The following AHCYL1 variants were observed in gnomAD, a reference collection of about 807,000 sequenced individuals.
AHCYL1 encodes the protein S-adenosylhomocysteine hydrolase-like protein 1.
In AHCYL1, 20 loss-of-function variants were observed where a neutral mutation model predicts 79.3. That is an observed-to-expected ratio of 0.25 (90% CI 0.18 to 0.37). The LOEUF (loss-of-function observed/expected upper bound fraction) is 0.37, where lower values mean the gene tolerates loss of function less well. Among genes scored for constraint, AHCYL1 ranks in the 10% least tolerant of loss-of-function variants. AHCYL1 has a pLI of 1.00. For missense variants in AHCYL1, 330 were observed against 673.6 expected (o/e 0.49, Z 5.65); for synonymous variants, 223 against 242.2 (o/e 0.92, Z 0.74).
chr1:110,014,995 T>C, intron 6 of AHCYL1, 138 bp downstream of exon 6: 2 of 782,184 alleles, frequency 2.6e-6, no homozygotes, highest in Non-Finnish European at 4.2e-6. Context: ...GCTTGATACC[T>C]ATTCAGAATG....
In AHCYL1 at chr1:110,001,518, A is replaced by C. The variant is rs183220824; in HGVS notation, c.121-7516A>C. On this transcript the variant is annotated intron_variant, in intron 1 of 16. Transcript: ENST00000369799. ...CTTTTTATTTCCCTGAGCCTATACTAGTTGGTTCTTATACCCTATGAACCA... is the reference window on the plus strand; with the variant it reads ...CTTTTTATTTCCCTGAGCCTATACTCGTTGGTTCTTATACCCTATGAACCA... Among the ~76,000 whole-genome samples the C allele has an allele frequency of 9.2e-5, 14 of 152,282 alleles. No homozygotes were observed. The South Asian group carries it at 1.4e-3, about 16-fold the overall frequency.
At chr1:109,992,222 C>T (rs1458475528) in intron 1 of AHCYL1, among the ~76,000 whole-genome samples, 3 of 152,038 alleles carry the variant, frequency 2.0e-5, no homozygotes, top group Non-Finnish European at 2.9e-5. Flanking sequence ...TCATGGCCAA[C>T]ATGGTGAAAC....
chr1:110,001,817 A>T (rs1650328877), intron 1 of AHCYL1, among the ~76,000 whole-genome samples: 1 of 152,242 alleles, frequency 6.6e-6, no homozygotes, highest in Non-Finnish European at 1.5e-5. Flanking sequence ...GAAAGCTTTA[A>T]GTTCTTACAA....
intron 1 of AHCYL1, among the ~76,000 whole-genome samples, chr1:109,991,265 G>C (rs1178116216): frequency 6.6e-6 from 1 of 152,186 alleles, no homozygotes; most frequent in Non-Finnish European, 1.5e-5. Flanking sequence ...GTAAAAGGTA[G>C]TATTTGGAAA....
In AHCYL1 at chr1:109,984,896, G is replaced by C; in HGVS notation, c.-157G>C. On this transcript the variant is annotated 5_prime_UTR_variant, in exon 1 of 17. Coordinates refer to ENST00000369799, the MANE Select transcript of AHCYL1 (RefSeq NM_006621.7). ...TGGGCTGCCGAACAGACAAGGCGTG[G>C]GCCACAGCACCTCAGAAGCCGACGC... The C allele has an allele frequency of 8.3e-7, 1 of 1,201,282 alleles. No homozygotes were observed. Among genetic ancestry groups the C allele is most frequent in the South Asian group, 2.3e-5 (1 of 43,248 alleles). 74.4% of individuals were successfully genotyped at this position (1,201,282 alleles called of 1,614,324 possible). A position where few individuals can be genotyped will look rare whatever the true frequency, so the allele number is the denominator to read the frequency against.
intron 1 of AHCYL1, 112 bp from the exon 2 acceptor site, chr1:110,008,922 A>G (rs551565967): frequency 2.5e-4 from 187 of 760,696 alleles, no homozygotes; most frequent in Non-Finnish European, 7.0e-5. Context: ...CTGGCTTAGT[A>G]GGAACCATGT....
At chr1:109,995,957 C>T (rs774036198) in intron 1 of AHCYL1, among the ~76,000 whole-genome samples, 3 of 152,202 alleles carry the variant, frequency 2.0e-5, no homozygotes, top group South Asian at 2.1e-4. Context: ...CGGTGGCTCA[C>T]GCCTGTAATC....
Position 110,016,706 on chromosome 1 carries a change from A to C in AHCYL1, c.939A>C (p.Gln313His). ...RTTDVMFGGK[Q>H]VVVCGYGEVG... ...CAGATGTGATGTTTGGTGGGAAACAAGTGGTGGTGTGTGGCTATGGTGAGG... is the reference window on the plus strand; with the variant it reads ...CAGATGTGATGTTTGGTGGGAAACACGTGGTGGTGTGTGGCTATGGTGAGG... The change falls in exon 9 of 17, where the codon CAA (glutamine) becomes CAC (histidine). Residue 313 changes from glutamine to histidine, a missense_variant. Physicochemically the swap from Gln to His is conservative, Grantham distance 24. Around this residue, in one of 6 missense-constraint regions of AHCYL1, gnomAD observed 119 missense variants for 293.3 expected, o/e 0.41. Transcript: ENST00000369799. The C allele has an allele frequency of 6.2e-7, 1 of 1,614,154 alleles. No individual in the cohort carries two copies. Among genetic ancestry groups the C allele is most frequent in the South Asian group, 1.1e-5 (1 of 91,088 alleles).
At chr1:109,989,124 T>A (rs558486041) in intron 1 of AHCYL1, among the ~76,000 whole-genome samples, 1 of 152,380 alleles carries the variant, frequency 6.6e-6, no homozygotes, top group South Asian at 2.1e-4. Context: ...GAAGATCCTC[T>A]TTTTAAGATT....
intron 1 of AHCYL1, among the ~76,000 whole-genome samples, chr1:109,994,951 T>TC (rs1165897850): frequency 2.0e-5 from 3 of 152,196 alleles, no homozygotes; most frequent in Non-Finnish European, 2.9e-5. Context: ...AACATGGTGT[T>TC]CTCAGTGTAA....
In AHCYL1 at chr1:110,011,281, G is replaced by C. The variant is rs1379080046; in HGVS notation, c.300G>C (p.Lys100Asn). 2 of 1,614,080 alleles carry C rather than the reference G, an allele frequency of 1.2e-6. No individual in the cohort carries two copies. The highest frequency in any genetic ancestry group is 2.2e-5 in the East Asian group (1 of 44,884). Residue 100 changes from lysine to asparagine, a missense_variant, in exon 3 of 17, where the codon AAG (lysine) becomes AAC (asparagine). Transcript: ENST00000369799. ...GAGAGAAGCAGCAAACCAACTCCAAGGGCAGCAGCAATTTCTGTGTGAAGA... is the reference window on the plus strand; with the variant it reads ...GAGAGAAGCAGCAAACCAACTCCAACGGCAGCAGCAATTTCTGTGTGAAGA... The part of the protein sequence containing the change: ...SPREKQQTNS[K>N]GSSNFCVKNI...
intron 1 of AHCYL1, among the ~76,000 whole-genome samples, chr1:110,002,932 A>T (rs1293626108): frequency 6.6e-6 from 1 of 152,208 alleles, no homozygotes; most frequent in Non-Finnish European, 1.5e-5. Flanking sequence ...AATTCAAAAC[A>T]TGAGTGATTT....
In AHCYL1 at chr1:109,984,922, A is replaced by T; in HGVS notation, c.-131A>T. On this transcript the variant is annotated 5_prime_UTR_variant, in exon 1 of 17. Coordinates refer to ENST00000369799, the MANE Select transcript of AHCYL1 (RefSeq NM_006621.7). ...GCCACAGCACCTCAGAAGCCGACGC[A>T]GCTCGACGCAGGGGCCGGCAGGAGG... The T allele has an allele frequency of 7.7e-7, 1 of 1,301,906 alleles. No homozygotes were observed. Among genetic ancestry groups the T allele is most frequent in the Non-Finnish European group, 9.8e-7 (1 of 1,021,692 alleles). The allele number at this position is 1,301,906 out of a possible 1,614,324, so 80.6% of individuals were successfully genotyped here.
At chr1:110,001,182 C>T (rs902654925) in intron 1 of AHCYL1, among the ~76,000 whole-genome samples, 2 of 151,352 alleles carry the variant, frequency 1.3e-5, no homozygotes, top group East Asian at 1.9e-4. Flanking sequence ...TTTTGCTATA[C>T]AAAATTAATT....
intron 5 of AHCYL1, among the ~76,000 whole-genome samples, chr1:110,013,965 T>C (rs563826706): frequency 1.3e-5 from 2 of 151,686 alleles, no homozygotes; most frequent in South Asian, 4.2e-4. Flanking sequence ...CACACCCAGC[T>C]AATTTTTGTA....
chr1:109,989,089 C>CT (rs1649612246), intron 1 of AHCYL1, among the ~76,000 whole-genome samples: 1 of 152,204 alleles, frequency 6.6e-6, no homozygotes, highest in Non-Finnish European at 1.5e-5. Context: ...TAGTAGCAGT[C>CT]TTTAAAACAG....
chr1:110,019,533 CT>C lies in AHCYL1; in HGVS notation c.1387-11del. 1.3e-6 allele frequency: 2 copies of C among 1,587,680 alleles called. No homozygotes were observed. The highest frequency in any genetic ancestry group is 2.0e-5 in the Admixed American group (1 of 51,148). ...AAATATTTTTGTGCTTTCTGGCCTT[CT>C]TTTCCCACCTTAGGCTTTGGCACTG... On this transcript the variant is annotated splice_polypyrimidine_tract_variant and intron_variant, in intron 14 of 16. Transcript: ENST00000369799.
chr1:110,018,847 A>G, intron 13 of AHCYL1, 197 bp downstream of exon 13: 1 of 723,088 alleles, frequency 1.4e-6, no homozygotes, highest in Non-Finnish European at 2.3e-6. Flanking sequence ...ACTATTTCCT[A>G]ACCACAGCTG....
At position 110,011,197 on chromosome 1, in the gene AHCYL1, T is replaced by G; in HGVS notation, c.233-17T>G. 6.2e-7 allele frequency: 1 copy of G among 1,612,362 alleles called. No homozygotes were observed. The highest frequency in any genetic ancestry group is 1.3e-5 in the African/African-American group (1 of 74,774). ...CTGAGGTTTTTCTATCCTTGTTTTTTTCTTTCCTGGCTCTAGCTGCATCCT... is the reference window on the plus strand; with the variant it reads ...CTGAGGTTTTTCTATCCTTGTTTTTGTCTTTCCTGGCTCTAGCTGCATCCT... On this transcript the variant is annotated splice_polypyrimidine_tract_variant and intron_variant, in intron 2 of 16. Transcript: ENST00000369799.
Sources: gnomAD v4.1 joint callset for allele counts (sites outside exome capture counted in the v4.1 genomes callset) on GRCh38, gnomAD v4.1.1 for gene constraint, gnomAD v4.1.1 regional missense constraint, MANE v1.5 for transcripts, NCBI Gene and HGNC (gene_info 2026-07-23, HGNC 2026-07-21) for gene names.